ASTN1: variants seen among roughly 807,000 people sequenced by gnomAD.
ASTN1 encodes the protein astrotactin 1.
ASTN1 carries 41 observed loss-of-function variants against 140.7 expected under a neutral mutation model. The ratio of observed to expected loss-of-function variants is 0.29; its 90% CI spans 0.23 to 0.38. The LOEUF (loss-of-function observed/expected upper bound fraction) is 0.38, where lower values mean the gene tolerates loss of function less well. Among genes scored for constraint, ASTN1 ranks in the 10% least tolerant of loss-of-function variants. ASTN1 has a pLI of 1.00. For synonymous variants in ASTN1, 640 were observed against 652.2 expected, an observed-to-expected ratio of 0.98 and a Z score of 0.29; for missense variants, 1,479 against 1,678.8, an observed-to-expected ratio of 0.88 and a Z score of 2.08.
At chr1:176,986,943 A>G (rs771422148) in intron 8 of ASTN1, among the ~76,000 whole-genome samples, 31 of 152,150 alleles carry the variant, frequency 2.0e-4, no homozygotes, top group Non-Finnish European at 3.2e-4. Flanking sequence ...AGCTAATCTC[A>G]CTATAATCAA....
At chr1:177,108,268 G>A (rs2102147398) in intron 1 of ASTN1, among the ~76,000 whole-genome samples, 1 of 150,464 alleles carries the variant, frequency 6.6e-6, no homozygotes, top group Admixed American at 6.7e-5. Context: ...AGAATCGCTT[G>A]GACCCGGGAG....
chr1:177,150,374 G>A (rs906126325), intron 1 of ASTN1, among the ~76,000 whole-genome samples: 5 of 152,126 alleles, frequency 3.3e-5, no homozygotes, highest in African/African-American at 1.2e-4. Context: ...CAGTCTGGGG[G>A]TAAAGGTAAA....
At chr1:176,879,392 C>A (rs1489333427) in intron 20 of ASTN1, among the ~76,000 whole-genome samples, 1 of 152,172 alleles carries the variant, frequency 6.6e-6, no homozygotes, top group Non-Finnish European at 1.5e-5. Context: ...ATGCTGCCTG[C>A]AATATGTTAA....
At chr1:176,979,464 G>A (rs1440664902) in intron 8 of ASTN1, among the ~76,000 whole-genome samples, 1 of 152,142 alleles carries the variant, frequency 6.6e-6, no homozygotes, top group African/African-American at 2.4e-5. Context: ...CTGCCTCAGA[G>A]AGGCCCCGGT....
intron 11 of ASTN1, among the ~76,000 whole-genome samples, chr1:176,952,715 C>G (rs776625226): frequency 6.6e-6 from 1 of 152,154 alleles, no homozygotes; most frequent in Non-Finnish European, 1.5e-5. Flanking sequence ...GTGTTTGTTG[C>G]CAGAGTCCTG....
At chr1:176,887,662 G>A (rs1055139663) in intron 18 of ASTN1, among the ~76,000 whole-genome samples, 1 of 152,100 alleles carries the variant, frequency 6.6e-6, no homozygotes, top group Non-Finnish European at 1.5e-5. Context: ...AGTGTTCAAT[G>A]AGTGGTTATG....
At chr1:176,983,672 G>A (rs927385376) in intron 8 of ASTN1, among the ~76,000 whole-genome samples, 14 of 152,208 alleles carry the variant, frequency 9.2e-5, no homozygotes, top group African/African-American at 3.1e-4. Context: ...GATTTGGGGT[G>A]TGAGGATGTT....
intron 1 of ASTN1, among the ~76,000 whole-genome samples, chr1:177,129,629 A>G (rs534665073): frequency 1.7e-4 from 26 of 152,344 alleles, no homozygotes; most frequent in African/African-American, 6.3e-4. Context: ...TGACGTGCTA[A>G]AAGTCATGCT....
intron 22 of ASTN1, among the ~76,000 whole-genome samples, chr1:176,865,639 C>A (rs192185013): frequency 1.3e-5 from 2 of 152,350 alleles, no homozygotes; most frequent in Admixed American, 6.5e-5. Flanking sequence ...AAACACTATT[C>A]TTTGCAGCAT....
At chr1:176,896,903 G>A (rs992348525) in intron 16 of ASTN1, among the ~76,000 whole-genome samples, 1 of 152,148 alleles carries the variant, frequency 6.6e-6, no homozygotes, top group African/African-American at 2.4e-5. Context: ...CTCTGAAGCT[G>A]TTTCATGCAA....
intron 16 of ASTN1, among the ~76,000 whole-genome samples, chr1:176,905,636 C>T (rs777254068): frequency 6.6e-6 from 1 of 152,108 alleles, no homozygotes; most frequent in Non-Finnish European, 1.5e-5. Context: ...CTGCTGGAGC[C>T]ACAGGCCCAA....
At chr1:177,129,932 G>A (rs543707099) in intron 1 of ASTN1, among the ~76,000 whole-genome samples, 39 of 152,134 alleles carry the variant, frequency 2.6e-4, no homozygotes, top group East Asian at 3.9e-4. Flanking sequence ...TTGACACTGC[G>A]CTCCAGCCTG....
Position 176,863,875 on chromosome 1 carries a change from T to C in ASTN1, c.*409A>G, listed in dbSNP as rs1047667897. The C allele has an allele frequency of 2.4e-5, 24 of 1,005,266 alleles. No individual in the cohort carries two copies. The highest frequency in any genetic ancestry group is 4.2e-5 in the South Asian group (1 of 23,928). The allele number at this position is 1,005,266 out of a possible 1,614,324, so 62.3% of individuals were successfully genotyped here. ...CGGCAGGCCTAACAACTTTCTGGCC[T>C]CACCTCTGCTCCCAGTTGCAATGGA... On this transcript the variant is annotated 3_prime_UTR_variant, in exon 23 of 23. Transcript: ENST00000361833.
chr1:177,152,221 A>C (rs1683071610), intron 1 of ASTN1, among the ~76,000 whole-genome samples: 1 of 152,160 alleles, frequency 6.6e-6, no homozygotes, highest in African/African-American at 2.4e-5. Context: ...AAGATGCTAC[A>C]TGTACACAGG....
intron 1 of ASTN1, among the ~76,000 whole-genome samples, chr1:177,145,536 T>C (rs1265984743): frequency 6.6e-6 from 1 of 152,180 alleles, no homozygotes; most frequent in Non-Finnish European, 1.5e-5. Flanking sequence ...GCAGCAAATC[T>C]AATTAGAAGA....
In ASTN1 at chr1:176,862,247, G is replaced by A. The variant is rs1667993778; in HGVS notation, c.*2037C>T. On this transcript the variant is annotated 3_prime_UTR_variant, in exon 23 of 23. Transcript: ENST00000361833. ...GGGAATCTCTGAGGCAGGTGCATTA[G>A]AGAGTTTGAAATAAATCCTTCAGTG... 1.0e-6 allele frequency: 1 copy of A among 985,450 alleles called. No individual in the cohort carries two copies. Among genetic ancestry groups the A allele is most frequent in the Non-Finnish European group, 1.2e-6 (1 of 829,940 alleles). 61.0% of individuals were successfully genotyped at this position (985,450 alleles called of 1,614,324 possible). A position where few individuals can be genotyped will look rare whatever the true frequency, so the allele number is the denominator to read the frequency against.
downstream of ASTN1, among the ~76,000 whole-genome samples, chr1:176,860,592 G>C (rs1294032982): frequency 6.6e-6 from 1 of 152,006 alleles, no homozygotes; most frequent in Non-Finnish European, 1.5e-5. Flanking sequence ...AATGTGTCTG[G>C]GAGGGCCTTT....
rs1672508013 is a variant in ASTN1 at position 176,958,348 on chromosome 1, A to G, written c.1733T>C (p.Val578Ala). 1 of 1,613,766 alleles carries G rather than the reference A, an allele frequency of 6.2e-7. No homozygotes were observed. Among genetic ancestry groups the G allele is most frequent in the Non-Finnish European group, 8.5e-7 (1 of 1,179,826 alleles). The change falls in exon 10 of 23, where the codon GTC becomes GCC. Residue 578 changes from valine (V) to alanine (A), a missense_variant. By Grantham distance (64) the Val-to-Ala change is moderately conservative. This residue lies in a region of ASTN1 where 729 missense variants were observed against 860.4 expected (regional missense o/e 0.85). Transcript: ENST00000361833. ...DMTVMEDAVE[V>A]REELMTSSSF... ...TCAGTCCTGAAGCCAGACTCACCTGACCTCCACAGCATCCTCCATCACAGT... is the reference window on the plus strand; with the variant it reads ...TCAGTCCTGAAGCCAGACTCACCTGGCCTCCACAGCATCCTCCATCACAGT...
chr1:177,100,704 G>T (rs2102128869), intron 1 of ASTN1, among the ~76,000 whole-genome samples: 1 of 152,280 alleles, frequency 6.6e-6, no homozygotes, highest in African/African-American at 2.4e-5. Context: ...GCGCAGGGAA[G>T]ATGACTCCAT....
Sources: gnomAD v4.1 joint callset for allele counts (sites outside exome capture counted in the v4.1 genomes callset) on GRCh38, gnomAD v4.1.1 for gene constraint, gnomAD v4.1.1 regional missense constraint, MANE v1.5 for transcripts, NCBI Gene and HGNC (gene_info 2026-07-23, HGNC 2026-07-21) for gene names.